MAGI1: variants seen among roughly 807,000 people sequenced by gnomAD.
MAGI1 encodes the protein membrane-associated guanylate kinase, WW and PDZ domain-containing protein 1.
In MAGI1, 58 loss-of-function variants were observed where a neutral mutation model predicts 139.9. The ratio of observed to expected loss-of-function variants is 0.41; its 90% CI spans 0.34 to 0.52. The LOEUF is 0.52. Ranked by LOEUF, MAGI1 falls within the 20% of genes least tolerant of loss-of-function variation. The pLI, the probability that MAGI1 is intolerant of heterozygous loss-of-function variation, is 0.12. For missense variants in MAGI1, 1,874 were observed against 1,901.6 expected (o/e 0.99, Z 0.27); for synonymous variants, 812 against 737.9 (o/e 1.10, Z -1.63).
intron 1 of MAGI1, among the ~76,000 whole-genome samples, chr3:65,914,876 A>T (rs551512481): frequency 4.8e-4 from 73 of 152,178 alleles, no homozygotes; most frequent in Non-Finnish European, 9.6e-4. Flanking sequence ...TACTTTTCTG[A>T]GCATCAACTT....
chr3:65,440,651 A>G lies in MAGI1; in HGVS notation c.1137-639T>C, dbSNP rs374767807. ...CCACTCACATCTGTTAACTATTTTG[A>G]TCACTAAACATAGAGGCACAATTAA... On this transcript the variant is annotated intron_variant, in intron 8 of 22. Coordinates refer to ENST00000402939, the MANE Select transcript of MAGI1 (RefSeq NM_001033057.2). Among the ~76,000 whole-genome samples the G allele has an allele frequency of 1.6e-4, 25 of 152,288 alleles. No homozygotes were observed. In the East Asian group the frequency reaches 3.7e-3, roughly 22 times the overall value.
intron 2 of MAGI1, among the ~76,000 whole-genome samples, chr3:65,523,792 T>C (rs1170361510): frequency 6.6e-6 from 1 of 152,180 alleles, no homozygotes; most frequent in Non-Finnish European, 1.5e-5. Flanking sequence ...ACACAAACAG[T>C]AATTAGCCTT....
chr3:65,504,190 G>A (rs1325932905), intron 2 of MAGI1, among the ~76,000 whole-genome samples: 2 of 152,132 alleles, frequency 1.3e-5, no homozygotes, highest in African/African-American at 4.8e-5. Flanking sequence ...TGCACTCAAT[G>A]TCCTTATCTG....
chr3:65,409,311 C>T (rs766434647), intron 12 of MAGI1, among the ~76,000 whole-genome samples: 9 of 152,052 alleles, frequency 5.9e-5, no homozygotes, highest in Non-Finnish European at 1.2e-4. Flanking sequence ...AGCACTGTTG[C>T]TTTCAGGAAT....
chr3:65,610,804 GGTATATATA>G (rs2083029724), intron 2 of MAGI1, among the ~76,000 whole-genome samples: 1 of 85,218 alleles, frequency 1.2e-5, no homozygotes, highest in African/African-American at 4.2e-5. Context: ...AGTATATATA[GGTATATATA>G]GTATATAGTA....
At chr3:65,417,711 T>C (rs773996604) in intron 12 of MAGI1, among the ~76,000 whole-genome samples, 2 of 152,190 alleles carry the variant, frequency 1.3e-5, no homozygotes, top group South Asian at 2.1e-4. Context: ...AGGTGATTTG[T>C]GGGCCACAGG....
intron 13 of MAGI1, among the ~76,000 whole-genome samples, chr3:65,397,519 T>G (rs1461319672): frequency 4.0e-5 from 6 of 151,774 alleles, no homozygotes; most frequent in African/African-American, 1.5e-4. Flanking sequence ...ATATAAAAAC[T>G]TTTTGTAGGA....
intron 13 of MAGI1, among the ~76,000 whole-genome samples, chr3:65,397,375 T>C (rs13317465): frequency 6.6e-6 from 1 of 152,066 alleles, no homozygotes; most frequent in Middle Eastern, 3.2e-3. Flanking sequence ...ACAGAGAGGA[T>C]AGTGGAACAA....
chr3:65,995,673 T>G (rs1202655529), intron 1 of MAGI1, among the ~76,000 whole-genome samples: 1 of 152,112 alleles, frequency 6.6e-6, no homozygotes, highest in Non-Finnish European at 1.5e-5. Context: ...AGCAGCAAAT[T>G]TAACAACCTC....
chr3:65,361,025 G>A (rs1434255390), intron 22 of MAGI1, 174 bp downstream of exon 22: 11 of 1,485,436 alleles, frequency 7.4e-6, no homozygotes, highest in Non-Finnish European at 7.2e-6. Flanking sequence ...GCAAGCAAAA[G>A]GATGAAATGT....
intron 1 of MAGI1, among the ~76,000 whole-genome samples, chr3:65,784,481 G>A (rs2039214489): frequency 6.6e-6 from 1 of 152,216 alleles, no homozygotes; most frequent in Admixed American, 6.5e-5. Context: ...ACTTTGGGAG[G>A]CCGAGGCAGG....
Position 66,035,296 on chromosome 3 carries a change from T to G in MAGI1, c.313+2700A>C, listed in dbSNP as rs1197961224. ...GCCATGAAGTAGAAAAACAGAATTT[T>G]CTCCCACCATGTAGACAGTATCCAG... On this transcript the variant is annotated intron_variant, in intron 1 of 22. Coordinates refer to ENST00000402939, the MANE Select transcript of MAGI1 (RefSeq NM_001033057.2). Among the ~76,000 whole-genome samples the G allele has an allele frequency of 2.0e-5, 3 of 152,110 alleles. No individual in the cohort carries two copies. In the East Asian group the frequency reaches 5.8e-4, roughly 29 times the overall value.
intron 1 of MAGI1, among the ~76,000 whole-genome samples, chr3:65,880,908 C>CGTGTGTGTGTGTGTGTGTGTGTGT (rs11271375): frequency 0.075 from 10,844 of 145,268 alleles, 539 homozygotes; most frequent in Middle Eastern, 0.11. Context: ...ATATCTCTGG[C>CGTGTGTGTGTGTGTGTGTGTGTGT]GTGTGTGTGT....
intron 12 of MAGI1, among the ~76,000 whole-genome samples, chr3:65,405,138 A>G (rs1945232351): frequency 1.3e-5 from 2 of 152,160 alleles, no homozygotes; most frequent in Admixed American, 6.5e-5. Flanking sequence ...TATTCCAGGG[A>G]AGTGTATGTT....
At chr3:65,838,249 T>G (rs964567733) in intron 1 of MAGI1, among the ~76,000 whole-genome samples, 5 of 151,896 alleles carry the variant, frequency 3.3e-5, no homozygotes, top group Admixed American at 6.6e-5. Context: ...GAGATGGAGG[T>G]TGCAGTGAGC....
intron 1 of MAGI1, among the ~76,000 whole-genome samples, chr3:65,869,910 G>C (rs1396222332): frequency 6.6e-6 from 1 of 152,240 alleles, no homozygotes; most frequent in Non-Finnish European, 1.5e-5. Flanking sequence ...ACGTGGCCCA[G>C]TGCTGGCACG....
At chr3:65,635,876 T>C (rs1410642187) in intron 1 of MAGI1, among the ~76,000 whole-genome samples, 1 of 152,256 alleles carries the variant, frequency 6.6e-6, no homozygotes, top group African/African-American at 2.4e-5. Context: ...TGCTCTGACC[T>C]ACATTGGGAA....
intron 1 of MAGI1, among the ~76,000 whole-genome samples, chr3:65,975,690 T>C (rs1168601817): frequency 1.3e-5 from 2 of 152,182 alleles, no homozygotes; most frequent in Non-Finnish European, 2.9e-5. Flanking sequence ...AGATGATTTT[T>C]GCATCACCAA....
chr3:65,425,108 T>TTAAA (rs1946917042), intron 12 of MAGI1, among the ~76,000 whole-genome samples: 1 of 66,596 alleles, frequency 1.5e-5, no homozygotes, highest in African/African-American at 6.1e-5. Flanking sequence ...GTAGAACTTC[T>TTAAA]AAAAAAAAAA....
Sources: allele counts gnomAD v4.1 joint callset (sites outside exome capture counted in the v4.1 genomes callset), GRCh38; gene constraint gnomAD v4.1.1; transcripts MANE v1.5; gene names NCBI Gene and HGNC (gene_info 2026-07-23, HGNC 2026-07-21).